Variants in ADAMTS20 observed in about 807,000 individuals in gnomAD.
ADAMTS20 encodes the protein ADAM metallopeptidase with thrombospondin type 1 motif 20, also known as A disintegrin and metalloproteinase with thrombospondin motifs 20.
Under a neutral mutation model 260.1 loss-of-function variants are expected in ADAMTS20, and 225 were observed. The observed-to-expected ratio is 0.87, with a 90% CI of 0.78 to 0.97. The LOEUF is 0.97. Ranked by LOEUF, ADAMTS20 falls within the 50% of genes least tolerant of loss-of-function variation. The pLI is 0.00. For synonymous variants in ADAMTS20, 802 were observed against 769.5 expected, an observed-to-expected ratio of 1.04 and a Z score of -0.70; for missense variants, 2,400 against 2,337.7, an observed-to-expected ratio of 1.03 and a Z score of -0.55.
At chr12:43,526,160 T>C (rs1336341499) in intron 3 of ADAMTS20, among the ~76,000 whole-genome samples, 1 of 152,120 alleles carries the variant, frequency 6.6e-6, no homozygotes, top group African/African-American at 2.4e-5. Context: ...TTTTTAAAAA[T>C]AGGAATGATA....
chr12:43,502,089 A>G (rs535629532), intron 4 of ADAMTS20, 63 bp downstream of exon 4: 97 of 1,430,454 alleles, frequency 6.8e-5, no homozygotes, highest in Non-Finnish European at 8.4e-5. Flanking sequence ...TTAATTCGAC[A>G]TGAAAAAATT....
chr12:43,362,251 G>T (rs560756642), intron 37 of ADAMTS20, among the ~76,000 whole-genome samples: 1 of 152,270 alleles, frequency 6.6e-6, no homozygotes, highest in Admixed American at 6.5e-5. Flanking sequence ...AAAAGTTTTA[G>T]ATTACACATC....
intron 28 of ADAMTS20, among the ~76,000 whole-genome samples, chr12:43,403,271 G>T (rs1022682711): frequency 6.6e-6 from 1 of 152,108 alleles, no homozygotes; most frequent in Non-Finnish European, 1.5e-5. Flanking sequence ...AAGAATGAAT[G>T]TATTGACTTA....
rs375843771 is a variant in ADAMTS20, at chr12:43,428,364, A to T, written c.3822T>A (p.Pro1274=). The T allele has an allele frequency of 3.4e-4, 556 of 1,613,922 alleles. 3 individuals are homozygous for T. Among genetic ancestry groups the T allele is most frequent in the South Asian group, 8.5e-4 (77 of 91,074 alleles). ...TGCTTAGATAATAGCTTGGCTGCAC[A>T]GGGGAACTAGGAAAGTGGCTGTGTG... The part of the protein sequence containing the change: ...PPAHSHFPSS[P]VQPSYYLSTN... The change falls in exon 26 of 39, where the codon CCT becomes CCA. Residue 1274 remains proline (P), a synonymous_variant. Transcript: ENST00000389420.
chr12:43,496,559 A>G (rs918256818), intron 4 of ADAMTS20, among the ~76,000 whole-genome samples: 4 of 152,194 alleles, frequency 2.6e-5, no homozygotes, highest in African/African-American at 9.6e-5. Context: ...CAGTCAGCAG[A>G]CCTGGTCTTT....
intron 37 of ADAMTS20, among the ~76,000 whole-genome samples, chr12:43,365,228 G>A (rs1374116602): frequency 2.0e-5 from 3 of 151,988 alleles, no homozygotes; most frequent in Admixed American, 2.0e-4. Flanking sequence ...CTTCTTGCTA[G>A]CACATCTACT....
intron 28 of ADAMTS20, among the ~76,000 whole-genome samples, chr12:43,405,227 T>TA (rs1565683116): frequency 4.3e-4 from 5 of 11,544 alleles, no homozygotes; most frequent in African/African-American, 1.2e-3. Context: ...ACCTCATCTC[T>TA]ACAAAAAAAA....
intron 7 of ADAMTS20, among the ~76,000 whole-genome samples, chr12:43,470,046 A>G (rs776996558): frequency 6.6e-6 from 1 of 152,226 alleles, no homozygotes; most frequent in Non-Finnish European, 1.5e-5. Context: ...AATTAAAAAG[A>G]ACAAAAAAAT....
At chr12:43,366,674 C>T (rs956691245) in intron 37 of ADAMTS20, among the ~76,000 whole-genome samples, 20 of 151,486 alleles carry the variant, frequency 1.3e-4, no homozygotes, top group African/African-American at 4.6e-4. Context: ...TACAAATATG[C>T]GGAAATTAAA....
chr12:43,377,489 T>A lies in ADAMTS20; in HGVS notation c.4871A>T (p.His1624Leu). 6.2e-7 allele frequency: 1 copy of A among 1,613,800 alleles called. No homozygotes were observed. Among genetic ancestry groups the A allele is most frequent in the African/African-American group, 1.3e-5 (1 of 75,054 alleles). The stretch of plus-strand genomic sequence containing the variant: ...TATAGGCCGAAGTCGATGGAGCTTA[T>A]GTTTCTTAGTAGATGGGATCTCGGT... ...YCTEIPSTKK[H>L]KLHRLRPIVY... Residue 1624 changes from histidine (H) to leucine (L), a missense_variant, in exon 32 of 39, where the codon CAT (histidine) becomes CTT (leucine). Transcript: ENST00000389420.
At chr12:43,398,631 A>G (rs967730268) in intron 29 of ADAMTS20, among the ~76,000 whole-genome samples, 1 of 152,160 alleles carries the variant, frequency 6.6e-6, no homozygotes, top group Non-Finnish European at 1.5e-5. Context: ...TTTTTCTGTT[A>G]GCCTGCATAG....
intron 2 of ADAMTS20, 43 bp from the exon 3 acceptor site, chr12:43,532,238 C>T (rs777675792): frequency 2.2e-5 from 34 of 1,545,380 alleles, no homozygotes; most frequent in Middle Eastern, 3.6e-4. Flanking sequence ...CTAACAGTCG[C>T]CAAGAAGAAA....
chr12:43,550,530 T>G lies in ADAMTS20; in HGVS notation c.453+379A>C, dbSNP rs143311555. Among the ~76,000 whole-genome samples, 840 of 152,278 alleles carry G rather than the reference T, an allele frequency of 5.5e-3. 6 individuals carry two copies. The highest frequency in any genetic ancestry group is 0.01 in the Admixed American group (157 of 15,306). On this transcript the variant is annotated intron_variant, in intron 2 of 38. Coordinates refer to ENST00000389420, the MANE Select transcript of ADAMTS20 (RefSeq NM_025003.5). ...AATTCCAGAAACAAACTTATCTAAG[T>G]AAATCCGGGGGATTCTGCCTCAATA...
Position 43,354,101 on chromosome 12 carries a change from A to C in ADAMTS20, c.*108T>G, listed in dbSNP as rs1366013410. On this transcript the variant is annotated 3_prime_UTR_variant, in exon 39 of 39. Transcript: ENST00000389420. Reference sequence around the variant, plus strand: ...CACCCTGAAAAAAAGGCAGAGACATATTGGACATGGAAATCTCGGGAAGGG... The same window carrying C: ...CACCCTGAAAAAAAGGCAGAGACATCTTGGACATGGAAATCTCGGGAAGGG... 1.0e-5 allele frequency: 8 copies of C among 795,260 alleles called. No individual in the cohort carries two copies. The highest frequency in any genetic ancestry group is 2.8e-5 in the Admixed American group (1 of 35,254). The allele number at this position is 795,260 out of a possible 1,614,324, so 49.3% of individuals were successfully genotyped here. A position where few individuals can be genotyped will look rare whatever the true frequency, so the allele number is the denominator to read the frequency against.
chr12:43,504,923 T>G (rs1011630620), intron 3 of ADAMTS20, among the ~76,000 whole-genome samples: 2 of 152,180 alleles, frequency 1.3e-5, no homozygotes, highest in Non-Finnish European at 2.9e-5. Flanking sequence ...AAATTTTAAA[T>G]TAGACATGCA....
chr12:43,412,100 A>G (rs1341488767), intron 28 of ADAMTS20, among the ~76,000 whole-genome samples: 1 of 152,232 alleles, frequency 6.6e-6, no homozygotes, highest in Non-Finnish European at 1.5e-5. Context: ...TACTGAATAA[A>G]GAAATGAACC....
intron 29 of ADAMTS20, among the ~76,000 whole-genome samples, chr12:43,390,813 C>G (rs1333432995): frequency 1.3e-5 from 2 of 152,136 alleles, no homozygotes; most frequent in African/African-American, 4.8e-5. Context: ...TCTTTATGGG[C>G]TTTTACAAGA....
chr12:43,431,548 T>C, intron 21 of ADAMTS20, 52 bp from the exon 22 acceptor site: 1 of 1,586,484 alleles, frequency 6.3e-7, no homozygotes, highest in South Asian at 1.1e-5. Context: ...TCAACACAAA[T>C]GCCTTAAACT....
chr12:43,516,792 A>T (rs77081304), intron 3 of ADAMTS20, among the ~76,000 whole-genome samples: 6,516 of 152,022 alleles, frequency 0.043, 432 homozygotes, highest in African/African-American at 0.15. Flanking sequence ...AAGTATAATT[A>T]AAAAAAAGAA....
Sources: allele counts gnomAD v4.1 joint callset (sites outside exome capture counted in the v4.1 genomes callset), GRCh38; gene constraint gnomAD v4.1.1; transcripts MANE v1.5; gene names NCBI Gene and HGNC (gene_info 2026-07-23, HGNC 2026-07-21).